LONP2: variants seen among roughly 807,000 people sequenced by gnomAD.
LONP2 encodes the protein lon peptidase 2, peroxisomal.
In LONP2, 60 loss-of-function variants were observed where a neutral mutation model predicts 85.6. That is an observed-to-expected ratio of 0.70 (90% CI 0.57 to 0.87). The LOEUF (loss-of-function observed/expected upper bound fraction) is 0.87. Among genes scored for constraint, LONP2 ranks in the 40% least tolerant of loss-of-function variants. The pLI, the probability that LONP2 is intolerant of heterozygous loss-of-function variation, is 0.00. For missense variants in LONP2, 860 were observed against 1,063.5 expected (o/e 0.81, Z 2.66); for synonymous variants, 395 against 389.7 (o/e 1.01, Z -0.16).
At chr16:48,264,713 G>A (rs1020938149) in intron 6 of LONP2, among the ~76,000 whole-genome samples, 19 of 152,072 alleles carry the variant, frequency 1.2e-4, no homozygotes, top group Middle Eastern at 3.2e-3. Context: ...AAATCTTTAC[G>A]ATTTATGTTT....
intron 14 of LONP2, 64 bp downstream of exon 14, chr16:48,348,354 T>G: frequency 1.8e-6 from 2 of 1,085,326 alleles, no homozygotes; most frequent in Non-Finnish European, 2.4e-6. Flanking sequence ...TAATATTATT[T>G]TTAAATACGG....
At chr16:48,337,375 G>C (rs978681354) in intron 12 of LONP2, among the ~76,000 whole-genome samples, 6 of 152,164 alleles carry the variant, frequency 3.9e-5, no homozygotes, top group Non-Finnish European at 8.8e-5. Flanking sequence ...GGCTCAACTT[G>C]TTGACCACTC....
chr16:48,246,515 G>C (rs1298123530), intron 1 of LONP2, among the ~76,000 whole-genome samples: 1 of 152,186 alleles, frequency 6.6e-6, no homozygotes, highest in Non-Finnish European at 1.5e-5. Flanking sequence ...CACATTTTAA[G>C]TTTCACTATT....
intron 6 of LONP2, 146 bp from the exon 7 acceptor site, chr16:48,269,867 TCTC>T (rs1450370487): frequency 2.0e-4 from 154 of 759,592 alleles, no homozygotes; most frequent in Admixed American, 6.9e-4. Flanking sequence ...CAAATGCAGA[TCTC>T]CTAGAATCCT....
At chr16:48,247,683 A>G (rs1971486680) in intron 1 of LONP2, 1 of 152,286 alleles carries the variant, frequency 6.6e-6, no homozygotes, top group Non-Finnish European at 1.5e-5. Flanking sequence ...TGAGTGACCC[A>G]TTGTTTTCTT....
Position 48,252,289 on chromosome 16 carries a change from AG to A in LONP2, c.394del (p.Glu132SerfsTer8). ...IAEVEQLDRLEEFPNTCKMRE... is the reference protein window; with the variant it reads ...IAEVEQLDRLXEFPNTCKMRE... Reference sequence around the variant, plus strand: ...GAAGTGGAGCAGTTGGACCGACTTGAGGAGTTTCCCAACACCTGTAAAATGA... The same window carrying A: ...GAAGTGGAGCAGTTGGACCGACTTGAGAGTTTCCCAACACCTGTAAAATGA... On this transcript the variant is annotated frameshift_variant, in exon 2 of 15. Coordinates refer to ENST00000285737, the MANE Select transcript of LONP2 (RefSeq NM_031490.5). LOFTEE classifies it high-confidence loss of function. The A allele has an allele frequency of 6.2e-7, 1 of 1,614,118 alleles. No individual in the cohort carries two copies. Among genetic ancestry groups the A allele is most frequent in the Non-Finnish European group, 8.5e-7 (1 of 1,179,974 alleles).
intron 11 of LONP2, among the ~76,000 whole-genome samples, chr16:48,311,848 C>T (rs1284391118): frequency 6.6e-6 from 1 of 152,036 alleles, no homozygotes; most frequent in African/African-American, 2.4e-5. Flanking sequence ...TCTTGAACTC[C>T]TGGCCTTAAG....
intron 11 of LONP2, among the ~76,000 whole-genome samples, chr16:48,303,981 C>T (rs963436679): frequency 1.3e-5 from 2 of 152,138 alleles, no homozygotes; most frequent in Non-Finnish European, 2.9e-5. Flanking sequence ...TCTCCTAGTC[C>T]GCTGACTCAA....
chr16:48,255,777 G>A (rs192312467), intron 2 of LONP2, among the ~76,000 whole-genome samples: 1 of 152,026 alleles, frequency 6.6e-6, no homozygotes, highest in African/African-American at 2.4e-5. Flanking sequence ...CCCTGCACAC[G>A]CTGTCTTGCC....
At chr16:48,297,015 T>A (rs1972687646) in intron 9 of LONP2, among the ~76,000 whole-genome samples, 1 of 152,176 alleles carries the variant, frequency 6.6e-6, no homozygotes, top group Admixed American at 6.5e-5. Context: ...TCTTTATTTA[T>A]TTAATTATTT....
intron 3 of LONP2, among the ~76,000 whole-genome samples, 172 bp from the exon 4 acceptor site, chr16:48,258,446 A>T (rs899479734): frequency 6.6e-6 from 1 of 152,130 alleles, no homozygotes; most frequent in Non-Finnish European, 1.5e-5. Flanking sequence ...TATTCATCTC[A>T]AACAACCTTG....
chr16:48,275,871 T>G (rs1972198098), intron 7 of LONP2, among the ~76,000 whole-genome samples: 1 of 152,114 alleles, frequency 6.6e-6, no homozygotes, highest in South Asian at 2.1e-4. Context: ...GGATTCCAAT[T>G]TTTTTAGAAA....
intron 3 of LONP2, among the ~76,000 whole-genome samples, chr16:48,258,286 G>A (rs1384564605): frequency 1.3e-5 from 2 of 150,554 alleles, no homozygotes; most frequent in African/African-American, 4.9e-5. Context: ...GGGGGAGCTT[G>A]CACTGAGCCA....
Position 48,248,287 on chromosome 16 carries a change from AT to A in LONP2, c.233+3684del, listed in dbSNP as rs111725492. Among the ~76,000 whole-genome samples, 590 of 116,522 alleles carry A rather than the reference AT, an allele frequency of 5.1e-3. 1 individual carries two copies. The highest frequency in any genetic ancestry group is 0.022 in the Middle Eastern group (5 of 228). The allele number at this position is 116,522 out of a possible 152,430, so 76.4% of individuals were successfully genotyped here. A position where few individuals can be genotyped will look rare whatever the true frequency, so the allele number is the denominator to read the frequency against. On this transcript the variant is annotated intron_variant, in intron 1 of 14. Coordinates refer to ENST00000285737, the MANE Select transcript of LONP2 (RefSeq NM_031490.5). ...CAGGCATGTGCCACAATGCCTAGCT[AT>A]TTTTTTTTTTTTTTTTTGGTGGAGA... is the stretch of plus-strand genomic sequence containing the variant.
chr16:48,292,419 T>G (rs2150992715), intron 8 of LONP2, among the ~76,000 whole-genome samples: 1 of 152,322 alleles, frequency 6.6e-6, no homozygotes, highest in Middle Eastern at 3.4e-3. Context: ...GAGGCAGGTT[T>G]GTGTGACGCA....
chr16:48,261,708 T>TCA (rs1971883131), intron 5 of LONP2, 121 bp downstream of exon 5: 3 of 680,998 alleles, frequency 4.4e-6, no homozygotes, highest in Admixed American at 3.6e-5. Flanking sequence ...CCACCTGCAG[T>TCA]GTGCTGTCAG....
chr16:48,328,773 C>T (rs978979319), intron 11 of LONP2, among the ~76,000 whole-genome samples: 10 of 138,112 alleles, frequency 7.2e-5, no homozygotes, highest in African/African-American at 2.4e-4. Flanking sequence ...TGAACACAGA[C>T]GGCAGAGGTT....
Position 48,258,646 on chromosome 16 carries a change from G to A in LONP2, c.629G>A (p.Arg210Gln), listed in dbSNP as rs778263264. The A allele has an allele frequency of 3.1e-6, 5 of 1,603,978 alleles. No homozygotes were observed. The highest frequency in any genetic ancestry group is 2.2e-5 in the South Asian group (2 of 89,138). The change falls in exon 4 of 15, where the codon CGG becomes CAG. Residue 210 changes from arginine (R) to glutamine (Q), a missense_variant. By Grantham distance (43) the Arg-to-Gln change is conservative. Around this residue, in one of 3 missense-constraint regions of LONP2, gnomAD observed 743 missense variants for 917.3 expected, o/e 0.81. Coordinates refer to ENST00000285737, the MANE Select transcript of LONP2 (RefSeq NM_031490.5). ...TTAGATGCTGTGAGCCTAGAGGAGC[G>A]GTTCAAGATGACTATACCACTGCTT... ...QILDAVSLEE[R>Q]FKMTIPLLVR...
intron 12 of LONP2, among the ~76,000 whole-genome samples, chr16:48,343,318 T>C (rs1959870028): frequency 6.6e-6 from 1 of 152,210 alleles, no homozygotes; most frequent in Non-Finnish European, 1.5e-5. Context: ...AATATCACTA[T>C]TTTTAGTTAA....
Sources: allele counts gnomAD v4.1 joint callset (sites outside exome capture counted in the v4.1 genomes callset), GRCh38; gene constraint gnomAD v4.1.1; regional missense constraint gnomAD v4.1.1; transcripts MANE v1.5; gene names NCBI Gene and HGNC (gene_info 2026-07-23, HGNC 2026-07-21).